Variants in OVCH1 observed in about 807,000 individuals in gnomAD.
The protein encoded by OVCH1 is ovochymase-1.
OVCH1 carries 139 observed loss-of-function variants against 138.4 expected under a neutral mutation model. The ratio of observed to expected loss-of-function variants is 1.00; its 90% confidence interval spans 0.87 to 1.16. The LOEUF (loss-of-function observed/expected upper bound fraction) is 1.16. OVCH1 is among the 50% of genes most tolerant of loss of function. The pLI, the probability that OVCH1 is intolerant of heterozygous loss-of-function variation, is 0.00. For synonymous variants in OVCH1, 453 were observed against 467.8 expected, an observed-to-expected ratio of 0.97 and a Z score of 0.41; for missense variants, 1,367 against 1,357.9, an observed-to-expected ratio of 1.01 and a Z score of -0.11.
chr12:29,409,955 A>T (rs548106606), downstream of OVCH1, among the ~76,000 whole-genome samples: 21 of 152,218 alleles, frequency 1.4e-4, no homozygotes, highest in South Asian at 4.4e-3. Flanking sequence ...GTTTCTTTGT[A>T]GGTCACTCAG....
downstream of OVCH1, among the ~76,000 whole-genome samples, chr12:29,407,700 G>C (rs1940901938): frequency 6.6e-6 from 1 of 152,158 alleles, no homozygotes; most frequent in Non-Finnish European, 1.5e-5. Context: ...TGCTGTTTTG[G>C]TTACTGTAGC....
At chr12:29,405,161 C>G in the OVCH1 span, among the ~76,000 whole-genome samples, 9 of 150,298 alleles carry the variant, frequency 6.0e-5, no homozygotes, top group Admixed American at 6.0e-4. Flanking sequence ...GAGTTCACTT[C>G]AACTATCAAA....
intron 4 of OVCH1, among the ~76,000 whole-genome samples, chr12:29,493,062 CT>C (rs1339735371): frequency 1.3e-5 from 2 of 152,088 alleles, no homozygotes; most frequent in African/African-American, 4.8e-5. Context: ...GTCTGATCCA[CT>C]TAAATGTGGA....
intron 15 of OVCH1, among the ~76,000 whole-genome samples, chr12:29,472,621 T>A (rs1030417768): frequency 1.3e-5 from 2 of 152,180 alleles, no homozygotes; most frequent in African/African-American, 2.4e-5. Flanking sequence ...ATTCAATACA[T>A]GTATGTGGAA....
exon 3 of OVCH1, chr12:29,496,208 G>C (rs989980710): frequency 6.2e-7 from 1 of 1,609,034 alleles, no homozygotes; most frequent in Non-Finnish European, 8.5e-7. Flanking sequence ...GCAGTGTGCT[G>C]CTGTAACAAC....
downstream of OVCH1, among the ~76,000 whole-genome samples, chr12:29,410,448 C>T (rs190978054): frequency 6.0e-5 from 9 of 151,124 alleles, no homozygotes; most frequent in East Asian, 1.4e-3. Flanking sequence ...CGGCTGATAC[C>T]GGTTGTTCCT....
intron 3 of OVCH1, among the ~76,000 whole-genome samples, chr12:29,418,525 G>T (rs957008254): frequency 2.6e-5 from 4 of 152,224 alleles, no homozygotes; most frequent in African/African-American, 9.6e-5. Flanking sequence ...TCAGAAGTAT[G>T]TGTAGCACTT....
intron 22 of OVCH1, among the ~76,000 whole-genome samples, chr12:29,448,002 A>G (rs964534874): frequency 2.0e-5 from 3 of 151,578 alleles, no homozygotes; most frequent in Non-Finnish European, 4.4e-5. Context: ...AAAAAATCAT[A>G]ATGTGTTAGA....
intron 13 of OVCH1, 128 bp downstream of exon 13, chr12:29,476,078 A>G: frequency 1.3e-6 from 1 of 766,084 alleles, no homozygotes; most frequent in South Asian, 1.6e-5. Context: ...GTTGTATGGC[A>G]TTCTGAGTTT....
At chr12:29,409,883 G>T (rs1940931295), downstream of OVCH1, among the ~76,000 whole-genome samples, 1 of 152,082 alleles carries the variant, frequency 6.6e-6, no homozygotes, top group African/African-American at 2.4e-5. Context: ...CTGTCTCATC[G>T]ATCTGTCTAC....
exon 17 of OVCH1, chr12:29,465,200 A>C: frequency 6.2e-7 from 1 of 1,602,884 alleles, no homozygotes; most frequent in Non-Finnish European, 8.5e-7. Context: ...ATAATAGTCC[A>C]GGAGAGTGGA....
chr12:29,409,025 G>T (rs926182940), downstream of OVCH1, among the ~76,000 whole-genome samples: 3 of 152,038 alleles, frequency 2.0e-5, no homozygotes, highest in African/African-American at 7.2e-5. Context: ...CTTCTTCCTG[G>T]TTTAGTCTTG....
chr12:29,485,969 A>T (rs899659816), intron 8 of OVCH1, among the ~76,000 whole-genome samples: 5 of 136,334 alleles, frequency 3.7e-5, no homozygotes, highest in Admixed American at 7.6e-5. Flanking sequence ...AAAATAAAAT[A>T]AAATAAATAA....
exon 20 of OVCH1, chr12:29,455,322 A>G (rs777765096): frequency 7.4e-6 from 12 of 1,613,868 alleles, no homozygotes; most frequent in South Asian, 1.1e-5. Flanking sequence ...ATGGCTGGAC[A>G]CAGCCAGCTC....
chr12:29,432,115 A>G (rs1041055432), intron 27 of OVCH1, among the ~76,000 whole-genome samples: 1 of 152,190 alleles, frequency 6.6e-6, no homozygotes, highest in Non-Finnish European at 1.5e-5. Context: ...GTATGAAGTG[A>G]GCACTGGGAA....
intron 4 of OVCH1, among the ~76,000 whole-genome samples, chr12:29,492,718 G>A (rs1444608069): frequency 6.6e-6 from 1 of 152,116 alleles, no homozygotes; most frequent in Non-Finnish European, 1.5e-5. Context: ...AGATTTAGAT[G>A]TTTAAATTAT....
chr12:29,497,485 C>G, intron 1 of OVCH1, 138 bp downstream of exon 1: 1 of 994,464 alleles, frequency 1.0e-6, no homozygotes, highest in South Asian at 1.7e-5. Flanking sequence ...GCATGCACCA[C>G]CCCCTCACCC....
rs149421697 is a variant in OVCH1, at chr12:29,455,775, A to G, written c.2281-370T>C. Among the ~76,000 whole-genome samples, 31 of 152,326 alleles carry G rather than the reference A, an allele frequency of 2.0e-4. No individual in the cohort carries two copies. The East Asian group carries it at 6.0e-3, about 29-fold the overall frequency. On this transcript the variant is annotated intron_variant, in intron 19 of 27. Transcript: ENST00000318184. ...TTTTAAAACAAAAATTTAATCAGAAAACTGCACAGTGGCTCAGATGGATCC... is the reference window on the plus strand; with the variant it reads ...TTTTAAAACAAAAATTTAATCAGAAGACTGCACAGTGGCTCAGATGGATCC...
rs554779823 is a variant in OVCH1 at position 29,419,808 on chromosome 12, C to T, written c.*71+3319G>A. On this transcript the variant is annotated intron_variant and NMD_transcript_variant, in intron 3 of 4. Coordinates refer to the OVCH1 transcript ENST00000539117. ...TAAAAATTTAGAATCTGATGTAACTCATCAAATCAAAACTCAAAATTATGA... is the reference window on the plus strand; with the variant it reads ...TAAAAATTTAGAATCTGATGTAACTTATCAAATCAAAACTCAAAATTATGA... Among the ~76,000 whole-genome samples the T allele has an allele frequency of 2.6e-5, 4 of 152,268 alleles. No homozygotes were observed. In the East Asian group the frequency reaches 5.8e-4, roughly 22 times the overall value.
Sources: gnomAD v4.1 joint callset for allele counts (sites outside exome capture counted in the v4.1 genomes callset) on GRCh38, gnomAD v4.1.1 for gene constraint, MANE v1.5 for transcripts, NCBI Gene and HGNC (gene_info 2026-07-23, HGNC 2026-07-21) for gene names.